Variants in MARCHF3 observed in about 807,000 individuals in gnomAD.
MARCHF3 encodes E3 ubiquitin-protein ligase MARCHF3.
MARCHF3 carries 13 observed loss-of-function variants against 24.2 expected under a neutral mutation model. That is an observed-to-expected ratio of 0.54 (90% CI 0.35 to 0.85). The LOEUF (loss-of-function observed/expected upper bound fraction) is 0.85, where lower values mean the gene tolerates loss of function less well. MARCHF3 is among the 40% of genes least tolerant of loss of function. The pLI is 0.01. For synonymous variants in MARCHF3, 144 were observed against 137.3 expected (o/e 1.05, Z -0.34); for missense variants, 276 against 325.0 (o/e 0.85, Z 1.16).
chr5:126,915,479 T>C (rs1191604135), intron 2 of MARCHF3, among the ~76,000 whole-genome samples: 1 of 152,244 alleles, frequency 6.6e-6, no homozygotes, highest in Non-Finnish European at 1.5e-5. Flanking sequence ...TCCTTCATCA[T>C]CAAGAAGAGA....
chr5:126,894,622 C>G (rs372022608), intron 3 of MARCHF3, among the ~76,000 whole-genome samples: 2 of 151,968 alleles, frequency 1.3e-5, no homozygotes, highest in African/African-American at 4.8e-5. Flanking sequence ...GGCCCCCACT[C>G]TCTTCTGGCT....
At chr5:126,989,340 A>C (rs12517718) in intron 1 of MARCHF3, among the ~76,000 whole-genome samples, 4,477 of 138,270 alleles carry the variant, frequency 0.032, 215 homozygotes, top group Admixed American at 0.15. Flanking sequence ...ACTACTACTA[A>C]TAATAATAAT....
At chr5:126,981,639 T>C (rs760345937) in intron 1 of MARCHF3, among the ~76,000 whole-genome samples, 3 of 152,260 alleles carry the variant, frequency 2.0e-5, no homozygotes, top group Non-Finnish European at 4.4e-5. Context: ...GTTACATACA[T>C]GTTTAGTTTG....
At chr5:126,979,948 CAAAAA>C (rs757849978) in intron 1 of MARCHF3, among the ~76,000 whole-genome samples, 25 of 44,904 alleles carry the variant, frequency 5.6e-4, no homozygotes, top group Non-Finnish European at 1.1e-3. Flanking sequence ...AACTCCATCT[CAAAAA>C]AAAAAAAAAA....
chr5:126,953,196 C>G (rs140767100), intron 1 of MARCHF3, among the ~76,000 whole-genome samples: 28 of 152,186 alleles, frequency 1.8e-4, no homozygotes, highest in African/African-American at 6.7e-4. Context: ...TTGACAAAAA[C>G]AGCATATTAT....
intron 1 of MARCHF3, among the ~76,000 whole-genome samples, chr5:126,928,157 T>C (rs541707790): frequency 6.6e-6 from 1 of 152,222 alleles, no homozygotes; most frequent in Non-Finnish European, 1.5e-5. Context: ...ATTCATTTGT[T>C]TTATGGGCTA....
At chr5:127,016,416 A>G (rs1752640019) in intron 1 of MARCHF3, among the ~76,000 whole-genome samples, 1 of 152,236 alleles carries the variant, frequency 6.6e-6, no homozygotes, top group Non-Finnish European at 1.5e-5. Context: ...CAAATTTACA[A>G]GAAAAAAACA....
intron 1 of MARCHF3, among the ~76,000 whole-genome samples, chr5:126,995,337 G>A (rs930932576): frequency 1.3e-5 from 2 of 152,164 alleles, no homozygotes; most frequent in Non-Finnish European, 2.9e-5. Context: ...AGAGCTTCTG[G>A]CATTCTGACA....
At chr5:126,885,294 G>C (rs563975950) in intron 3 of MARCHF3, among the ~76,000 whole-genome samples, 1 of 152,322 alleles carries the variant, frequency 6.6e-6, no homozygotes, top group African/African-American at 2.4e-5. Flanking sequence ...TAGGCTGGGT[G>C]TGGTGGTTTA....
intron 4 of MARCHF3, among the ~76,000 whole-genome samples, chr5:126,872,074 C>CTTTT (rs70997318): frequency 6.4e-4 from 60 of 94,486 alleles, no homozygotes; most frequent in South Asian, 1.2e-3. Flanking sequence ...AGATCCTTGT[C>CTTTT]TTTTTTTTTT....
rs1752871583 is a variant in MARCHF3, at chr5:126,869,101, C to G, written c.*1532G>C. On this transcript the variant is annotated 3_prime_UTR_variant, in exon 5 of 5. Coordinates refer to ENST00000308660, the MANE Select transcript of MARCHF3 (RefSeq NM_178450.5). ...CTGGGAGCAGCCAGTGAATGGAGGG[C>G]TCGCCTACAAAGGGGACACCTGCAT... 6.6e-6 allele frequency: 1 copy of G among 152,172 alleles called. No individual in the cohort carries two copies. The highest frequency in any genetic ancestry group is 2.1e-4 in the South Asian group (1 of 4,830). 9.4% of individuals were successfully genotyped at this position (152,172 alleles called of 1,614,324 possible).
At chr5:126,955,127 GGTTCC>G (rs1750396527) in intron 1 of MARCHF3, among the ~76,000 whole-genome samples, 2 of 152,036 alleles carry the variant, frequency 1.3e-5, no homozygotes, top group African/African-American at 2.4e-5. Context: ...CTGTTATGTG[GGTTCC>G]ACCATATTCA....
chr5:126,883,392 C>T (rs1023177241), intron 3 of MARCHF3, among the ~76,000 whole-genome samples: 3 of 152,194 alleles, frequency 2.0e-5, no homozygotes, highest in African/African-American at 7.2e-5. Flanking sequence ...AAAGCCCCAG[C>T]AGTGAGCTGC....
At chr5:126,998,507 T>A (rs778435095) in intron 1 of MARCHF3, among the ~76,000 whole-genome samples, 1 of 152,176 alleles carries the variant, frequency 6.6e-6, no homozygotes, top group Non-Finnish European at 1.5e-5. Flanking sequence ...GCAAACCCCA[T>A]GCAAACATTC....
intron 1 of MARCHF3, among the ~76,000 whole-genome samples, chr5:126,942,946 CT>C (rs1749882693): frequency 6.6e-6 from 1 of 152,082 alleles, no homozygotes; most frequent in Admixed American, 6.5e-5. Context: ...GCTAAAATTC[CT>C]CAGTGTCAAA....
At chr5:126,943,630 A>G (rs1267668191) in intron 1 of MARCHF3, among the ~76,000 whole-genome samples, 1 of 152,070 alleles carries the variant, frequency 6.6e-6, no homozygotes, top group Non-Finnish European at 1.5e-5. Flanking sequence ...CTATATGACA[A>G]GCACTTCTCT....
At chr5:127,007,736 A>AGT (rs1432478666) in intron 1 of MARCHF3, among the ~76,000 whole-genome samples, 1 of 152,194 alleles carries the variant, frequency 6.6e-6, no homozygotes, top group African/African-American at 2.4e-5. Context: ...TTGCACAAAT[A>AGT]GTGATGACAT....
At position 126,993,367 on chromosome 5, in the gene MARCHF3, G is replaced by C. The variant is rs188031589; in HGVS notation, c.-57+36983C>G. Among the ~76,000 whole-genome samples, 18 of 152,302 alleles carry C rather than the reference G, an allele frequency of 1.2e-4. No homozygotes were observed. The East Asian group carries it at 3.1e-3, about 26-fold the overall frequency. On this transcript the variant is annotated intron_variant, in intron 1 of 4. Coordinates refer to ENST00000308660, the MANE Select transcript of MARCHF3 (RefSeq NM_178450.5). ...TCAGAATCTGAAAACATTCAGATGA[G>C]GAGCTAAAAGTAATCAGTTATTAGG...
At chr5:127,006,884 C>T (rs962477554) in intron 1 of MARCHF3, among the ~76,000 whole-genome samples, 5 of 152,166 alleles carry the variant, frequency 3.3e-5, no homozygotes, top group African/African-American at 1.2e-4. Flanking sequence ...ATCCGGGTTG[C>T]ACTAGCTTGC....
Sources: gnomAD v4.1 joint callset for allele counts (sites outside exome capture counted in the v4.1 genomes callset) on GRCh38, gnomAD v4.1.1 for gene constraint, MANE v1.5 for transcripts, NCBI Gene and HGNC (gene_info 2026-07-23, HGNC 2026-07-21) for gene names.